WDPCP: variants seen among roughly 807,000 people sequenced by gnomAD.
The protein encoded by WDPCP is WD repeat-containing and planar cell polarity effector protein fritz homolog.
In WDPCP, 71 loss-of-function variants were observed where a neutral mutation model predicts 93.1. The ratio of observed to expected loss-of-function variants is 0.76; its 90% CI spans 0.63 to 0.93. The LOEUF is 0.93. Ranked by LOEUF, WDPCP falls within the 40% of genes least tolerant of loss-of-function variation. The probability of loss-of-function intolerance (pLI) is 0.00; values close to 1 mark genes in which losing one functional copy is unlikely to be tolerated. For missense variants in WDPCP, 844 were observed against 887.4 expected (o/e 0.95, Z 0.62); for synonymous variants, 315 against 315.0 (o/e 1.00, Z 0.00).
At chr2:63,460,049 A>G (rs1468850641) in intron 6 of WDPCP, among the ~76,000 whole-genome samples, 2 of 152,232 alleles carry the variant, frequency 1.3e-5, no homozygotes, top group Non-Finnish European at 2.9e-5. Flanking sequence ...TTATCACAGC[A>G]CTATTCATAA....
chr2:63,415,199 AAAAAAATT>A (rs923623782), intron 9 of WDPCP, among the ~76,000 whole-genome samples: 1 of 152,144 alleles, frequency 6.6e-6, no homozygotes, highest in African/African-American at 2.4e-5. Context: ...TCGTCTCTAC[AAAAAAATT>A]AAAAAATTAG....
At chr2:63,439,071 TA>T (rs1268064881) in intron 7 of WDPCP, among the ~76,000 whole-genome samples, 1 of 152,114 alleles carries the variant, frequency 6.6e-6, no homozygotes, top group Non-Finnish European at 1.5e-5. Flanking sequence ...TCCTTATGTG[TA>T]AAAATGGAAA....
chr2:63,442,855 T>C (rs1697591054), intron 6 of WDPCP: 1 of 152,182 alleles, frequency 6.6e-6, no homozygotes, highest in Admixed American at 6.5e-5. Flanking sequence ...AAAATTCTTT[T>C]AAAAACCCAC....
intron 2 of WDPCP, among the ~76,000 whole-genome samples, chr2:63,687,178 T>C (rs190079652): frequency 6.6e-6 from 1 of 152,350 alleles, no homozygotes; most frequent in Admixed American, 6.5e-5. Context: ...CCAAGGGCCA[T>C]GGGTTGGACA....
At chr2:63,702,096 G>A (rs961011035) in intron 2 of WDPCP, among the ~76,000 whole-genome samples, 3 of 152,118 alleles carry the variant, frequency 2.0e-5, no homozygotes, top group African/African-American at 4.8e-5. Context: ...CACGATCTCT[G>A]CTCCCTGCAA....
intron 14 of WDPCP, among the ~76,000 whole-genome samples, chr2:63,200,424 G>A (rs145455590): frequency 6.6e-5 from 10 of 152,274 alleles, no homozygotes; most frequent in Admixed American, 3.9e-4. Flanking sequence ...CAGGAGCCAA[G>A]ACTTGGAAGC....
intron 3 of WDPCP, chr2:63,643,530 T>G: frequency 2.4e-6 from 1 of 417,430 alleles, no homozygotes; most frequent in Non-Finnish European, 4.7e-6. Context: ...TTGAACTTGA[T>G]AAAATCAGTA....
intron 9 of WDPCP, among the ~76,000 whole-genome samples, chr2:63,413,096 G>C (rs1207242923): frequency 6.6e-6 from 1 of 152,126 alleles, no homozygotes; most frequent in East Asian, 1.9e-4. Flanking sequence ...AAATCTGGAG[G>C]CATCACACTA....
At chr2:63,422,582 T>C (rs1440185802) in intron 9 of WDPCP, among the ~76,000 whole-genome samples, 1 of 152,014 alleles carries the variant, frequency 6.6e-6, no homozygotes, top group Admixed American at 6.5e-5. Flanking sequence ...AAGTAATCAA[T>C]GAAAAATAAA....
At chr2:63,301,228 C>T (rs1297486113) in intron 13 of WDPCP, among the ~76,000 whole-genome samples, 1 of 152,164 alleles carries the variant, frequency 6.6e-6, no homozygotes, top group East Asian at 1.9e-4. Context: ...GAAAATTCTG[C>T]CTTCAACAAT....
intron 2 of WDPCP, among the ~76,000 whole-genome samples, chr2:63,807,115 G>A (rs1283644148): frequency 6.6e-6 from 1 of 152,170 alleles, no homozygotes; most frequent in Non-Finnish European, 1.5e-5. Flanking sequence ...AATTACAAAA[G>A]TATTAATTTG....
chr2:63,625,561 G>A (rs1217094085), intron 3 of WDPCP, among the ~76,000 whole-genome samples: 1 of 152,130 alleles, frequency 6.6e-6, no homozygotes, highest in African/African-American at 2.4e-5. Flanking sequence ...CAAATCATGA[G>A]TGAACTCCCA....
intron 13 of WDPCP, among the ~76,000 whole-genome samples, chr2:63,278,058 A>T (rs1449126623): frequency 6.6e-6 from 1 of 152,232 alleles, no homozygotes. Context: ...AATTCTATCA[A>T]GTACTTTCAG....
chr2:63,545,836 T>A (rs1033865333), intron 1 of WDPCP, among the ~76,000 whole-genome samples: 19 of 151,582 alleles, frequency 1.3e-4, no homozygotes, highest in African/African-American at 4.6e-4. Flanking sequence ...TCTCGTTTCT[T>A]CTGAACGAGG....
At chr2:63,638,797 G>GAAA (rs575796116) in intron 3 of WDPCP, among the ~76,000 whole-genome samples, 1 of 116,694 alleles carries the variant, frequency 8.6e-6, no homozygotes, top group African/African-American at 3.4e-5. Flanking sequence ...TCGAAAAAAA[G>GAAA]AAAAAAAAAA....
intron 2 of WDPCP, among the ~76,000 whole-genome samples, chr2:63,809,938 T>TA (rs569852634): frequency 0.016 from 2,345 of 150,762 alleles, 61 homozygotes; most frequent in African/African-American, 0.053. Flanking sequence ...AAAATTAAAT[T>TA]AAAAAAAAAA....
rs998495756 is a variant in WDPCP at position 63,486,702 on chromosome 2, T to C, written c.209-116A>G. ...AAGGTATTATTAACATTACATGCAT[T>C]ATTGAGATTAATAAATTATGCTTAG... On this transcript the variant is annotated intron_variant, in intron 3 of 17. Transcript: ENST00000272321. 3.9e-5 allele frequency: 33 copies of C among 844,820 alleles called. No individual in the cohort carries two copies. In the African/African-American group the frequency reaches 5.8e-4, roughly 15 times the overall value. 52.3% of individuals were successfully genotyped at this position (844,820 alleles called of 1,614,324 possible). A position where few individuals can be genotyped will look rare whatever the true frequency, so the allele number is the denominator to read the frequency against.
intron 14 of WDPCP, among the ~76,000 whole-genome samples, chr2:63,201,851 G>A (rs1675937957): frequency 6.6e-6 from 1 of 151,918 alleles, no homozygotes; most frequent in Non-Finnish European, 1.5e-5. Flanking sequence ...TTTTCTGTTT[G>A]GTAATTATTC....
At chr2:63,230,183 G>GTGTT (rs1678723512) in intron 14 of WDPCP, among the ~76,000 whole-genome samples, 1 of 149,004 alleles carries the variant, frequency 6.7e-6, no homozygotes, top group African/African-American at 2.5e-5. Context: ...AGAACATGCA[G>GTGTT]TGTTTGGTTT....
Sources: gnomAD v4.1 joint callset for allele counts (sites outside exome capture counted in the v4.1 genomes callset) on GRCh38, gnomAD v4.1.1 for gene constraint, MANE v1.5 for transcripts, NCBI Gene and HGNC (gene_info 2026-07-23, HGNC 2026-07-21) for gene names.